The following NEDD4 variants were observed in gnomAD, a reference collection of about 807,000 sequenced individuals.
NEDD4 encodes E3 ubiquitin-protein ligase NEDD4.
A neutral mutation model predicts 144.9 loss-of-function variants in NEDD4; 99 were observed. That is an observed-to-expected ratio of 0.68 (90% CI 0.58 to 0.81). NEDD4 has a LOEUF of 0.81. Ranked by LOEUF, NEDD4 falls within the 30% of genes least tolerant of loss-of-function variation. NEDD4 has a pLI of 0.00. For missense variants in NEDD4, 985 were observed against 1,065.9 expected (o/e 0.92, Z 1.06); for synonymous variants, 318 against 350.6 (o/e 0.91, Z 1.04).
At chr15:55,834,661 G>T (rs1249423600) in intron 24 of NEDD4, among the ~76,000 whole-genome samples, 3 of 152,088 alleles carry the variant, frequency 2.0e-5, no homozygotes, top group Non-Finnish European at 2.9e-5. Context: ...GCATGGTGGT[G>T]TGAACCTGTG....
At chr15:55,856,477 T>C (rs1314198421) in intron 11 of NEDD4, among the ~76,000 whole-genome samples, 2 of 152,220 alleles carry the variant, frequency 1.3e-5, no homozygotes, top group African/African-American at 4.8e-5. Context: ...CTCTCCACTT[T>C]AGTTACTAGT....
chr15:55,907,414 T>G (rs1036147635), intron 5 of NEDD4, among the ~76,000 whole-genome samples: 1 of 152,224 alleles, frequency 6.6e-6, no homozygotes, highest in Non-Finnish European at 1.5e-5. Context: ...TTTACCTGCA[T>G]GAAGTAGGTA....
At chr15:55,976,226 T>C (rs1346795391) in intron 1 of NEDD4, among the ~76,000 whole-genome samples, 1 of 152,166 alleles carries the variant, frequency 6.6e-6, no homozygotes, top group East Asian at 1.9e-4. Context: ...CTGGACAAAT[T>C]GGATCACATC....
chr15:55,881,188 C>CTGGA (rs56244622), intron 5 of NEDD4, among the ~76,000 whole-genome samples: 13,707 of 149,074 alleles, frequency 0.092, 698 homozygotes, highest in Middle Eastern at 0.16. Context: ...TTTGCCCAGG[C>CTGGA]TGGAGTGCAA....
At chr15:55,937,749 CAA>C (rs2036920655) in intron 4 of NEDD4, among the ~76,000 whole-genome samples, 1 of 152,080 alleles carries the variant, frequency 6.6e-6, no homozygotes, top group Non-Finnish European at 1.5e-5. Flanking sequence ...CCATACTATC[CAA>C]AGTAATCCAC....
At chr15:55,983,678 C>A (rs985684839) in intron 1 of NEDD4, among the ~76,000 whole-genome samples, 11 of 149,736 alleles carry the variant, frequency 7.3e-5, no homozygotes, top group Non-Finnish European at 1.2e-4. Flanking sequence ...GTGGCGCAGT[C>A]TCGGTTCACT....
chr15:55,930,222 C>G (rs1282670026), intron 4 of NEDD4, among the ~76,000 whole-genome samples: 1 of 152,054 alleles, frequency 6.6e-6, no homozygotes, highest in Non-Finnish European at 1.5e-5. Flanking sequence ...TATATAAATA[C>G]CTACACCATA....
chr15:55,961,058 A>G (rs2037417028), intron 2 of NEDD4, among the ~76,000 whole-genome samples: 1 of 152,212 alleles, frequency 6.6e-6, no homozygotes, highest in Non-Finnish European at 1.5e-5. Context: ...ATTCTCCTAG[A>G]GAGTGGCTAT....
intron 14 of NEDD4, 66 bp from the exon 15 acceptor site, chr15:55,848,952 A>G (rs2033868615): frequency 1.6e-6 from 2 of 1,273,538 alleles, no homozygotes. Flanking sequence ...TCAGTCTGTT[A>G]CCATGTTTTC....
rs879061041 is a variant in NEDD4 at position 55,872,584 on chromosome 15, A to AG, written c.343-109dup. Reference sequence around the variant, plus strand: ...TAAGGCATAATTTAAGTTGGAAGTGAGAAAAAAAAGTAGCTTTAGTTTATC... The same window carrying AG: ...TAAGGCATAATTTAAGTTGGAAGTGAGGAAAAAAAAGTAGCTTTAGTTTATC... On this transcript the variant is annotated intron_variant, in intron 6 of 28. Transcript: ENST00000435532. The AG allele has an allele frequency of 1.3e-5, 5 of 397,580 alleles. No individual in the cohort carries two copies. The South Asian group carries it at 3.3e-4, about 26-fold the overall frequency. 24.6% of individuals were successfully genotyped at this position (397,580 alleles called of 1,614,324 possible). A position where few individuals can be genotyped will look rare whatever the true frequency, so the allele number is the denominator to read the frequency against.
At chr15:55,836,080 C>T (rs1166373656) in intron 24 of NEDD4, among the ~76,000 whole-genome samples, 14 of 152,104 alleles carry the variant, frequency 9.2e-5, no homozygotes, top group Admixed American at 2.0e-4. Flanking sequence ...ACTTCACACA[C>T]GCTGCTCCTG....
At chr15:55,876,064 C>T (rs1383181074) in intron 5 of NEDD4, among the ~76,000 whole-genome samples, 4 of 152,060 alleles carry the variant, frequency 2.6e-5, no homozygotes, top group Non-Finnish European at 5.9e-5. Context: ...GTTGACTTCT[C>T]GTCAAAAACA....
In NEDD4 at chr15:55,829,463, C is replaced by T. The variant is rs1376828393; in HGVS notation, c.*434G>A. 1 of 154,606 alleles carries T rather than the reference C, an allele frequency of 6.5e-6. No individual in the cohort carries two copies. The highest frequency in any genetic ancestry group is 2.4e-5 in the African/African-American group (1 of 41,446). 9.6% of individuals were successfully genotyped at this position (154,606 alleles called of 1,614,324 possible). A position where few individuals can be genotyped will look rare whatever the true frequency, so the allele number is the denominator to read the frequency against. ...CTTTTTCCAAATTTCAGTTTTCCAT[C>T]TCAAAATGCATCAAACTTTTCACAC... On this transcript the variant is annotated 3_prime_UTR_variant, in exon 29 of 29. Transcript: ENST00000435532.
intron 17 of NEDD4, 94 bp from the exon 18 acceptor site, chr15:55,847,128 T>A: frequency 1.5e-6 from 1 of 651,982 alleles, no homozygotes; most frequent in Non-Finnish European, 2.6e-6. Flanking sequence ...GTAAGGGCAT[T>A]AAAAGAAAAA....
intron 1 of NEDD4, among the ~76,000 whole-genome samples, chr15:55,969,341 A>C (rs1355858285): frequency 6.6e-6 from 1 of 152,100 alleles, no homozygotes; most frequent in Non-Finnish European, 1.5e-5. Flanking sequence ...TCCTAAATAA[A>C]CTTAAAAGGC....
chr15:55,921,820 C>T (rs1318668634), intron 5 of NEDD4, among the ~76,000 whole-genome samples: 5 of 152,128 alleles, frequency 3.3e-5, no homozygotes, highest in African/African-American at 1.2e-4. Context: ...TGTTAATTCA[C>T]TGATTAGTGT....
chr15:55,929,732 T>C (rs1249133308), intron 4 of NEDD4, among the ~76,000 whole-genome samples: 1 of 152,196 alleles, frequency 6.6e-6, no homozygotes, highest in Non-Finnish European at 1.5e-5. Context: ...TTAAGTATGA[T>C]AGATTACCAG....
chr15:55,972,836 G>C (rs2037633853), intron 1 of NEDD4, among the ~76,000 whole-genome samples: 1 of 152,060 alleles, frequency 6.6e-6, no homozygotes, highest in Non-Finnish European at 1.5e-5. Flanking sequence ...AGCAGGAATA[G>C]CTATATCAGA....
chr15:55,855,127 G>A (rs764512935), intron 12 of NEDD4, among the ~76,000 whole-genome samples: 2 of 152,096 alleles, frequency 1.3e-5, no homozygotes, highest in African/African-American at 2.4e-5. Flanking sequence ...TGCATAGGTG[G>A]GCGACCTCTC....
Sources: allele counts gnomAD v4.1 joint callset (sites outside exome capture counted in the v4.1 genomes callset), GRCh38; gene constraint gnomAD v4.1.1; transcripts MANE v1.5; gene names NCBI Gene and HGNC (gene_info 2026-07-23, HGNC 2026-07-21).